NRXN3: variants seen among roughly 807,000 people sequenced by gnomAD.
The protein encoded by NRXN3 is neurexin 3, also known as neurexin III.
Under a neutral mutation model 137.6 loss-of-function variants are expected in NRXN3, and 32 were observed. The ratio of observed to expected loss-of-function variants is 0.23; its 90% CI spans 0.18 to 0.31. NRXN3 has a LOEUF of 0.31. Ranked by LOEUF, NRXN3 falls within the 10% of genes least tolerant of loss-of-function variation. The pLI, the probability that NRXN3 is intolerant of heterozygous loss-of-function variation, is 1.00. For missense variants in NRXN3, 1,574 were observed against 2,062.5 expected (o/e 0.76, Z 4.59); for synonymous variants, 798 against 784.5 (o/e 1.02, Z -0.29).
chr14:78,269,313 C>T (rs2072320102), intron 2 of NRXN3, among the ~76,000 whole-genome samples: 1 of 152,168 alleles, frequency 6.6e-6, no homozygotes, highest in African/African-American at 2.4e-5. Context: ...ACCATGAGGA[C>T]ATTATGCTAA....
chr14:78,802,391 C>T (rs550994687), intron 8 of NRXN3, among the ~76,000 whole-genome samples: 3 of 151,942 alleles, frequency 2.0e-5, no homozygotes, highest in South Asian at 2.1e-4. Context: ...TGTGGGGTGG[C>T]GGGAGGTGGG....
chr14:78,222,447 C>T (rs117076349), intron 1 of NRXN3, among the ~76,000 whole-genome samples: 9,614 of 152,222 alleles, frequency 0.063, 411 homozygotes, highest in East Asian at 0.15. Context: ...CGCCACATCG[C>T]CTTGAATGAG....
chr14:79,358,607 G>GAGAAAGAAAGAAAGAAAGAAAGAAAGAA (rs751796019), intron 15 of NRXN3, among the ~76,000 whole-genome samples: 32 of 79,982 alleles, frequency 4.0e-4, no homozygotes, highest in South Asian at 6.6e-4. Flanking sequence ...AAGAAAGAAA[G>GAGAAAGAAAGAAAGAAAGAAAGAAAGAA]AGAAAGAAAG....
intron 10 of NRXN3, among the ~76,000 whole-genome samples, chr14:78,811,549 A>T (rs973253350): frequency 1.3e-5 from 2 of 152,238 alleles, no homozygotes; most frequent in Non-Finnish European, 2.9e-5. Flanking sequence ...GGATTAGTTG[A>T]TATCTAGCAC....
intron 6 of NRXN3, among the ~76,000 whole-genome samples, chr14:78,694,833 A>G (rs556380025): frequency 2.2e-4 from 33 of 152,100 alleles, no homozygotes; most frequent in Admixed American, 1.6e-3. Context: ...AAAGGATGCA[A>G]GCCTTGTTCT....
At chr14:79,071,973 A>G (rs2152715469) in intron 15 of NRXN3, among the ~76,000 whole-genome samples, 2 of 152,280 alleles carry the variant, frequency 1.3e-5, no homozygotes, top group Non-Finnish European at 2.9e-5. Context: ...AATTTTAAAG[A>G]ATGTGAATGG....
intron 15 of NRXN3, among the ~76,000 whole-genome samples, chr14:79,325,932 A>T (rs940345430): frequency 6.6e-6 from 1 of 151,734 alleles, no homozygotes; most frequent in African/African-American, 2.4e-5. Flanking sequence ...AATAAAAAAT[A>T]AAAAAAAGCT....
intron 8 of NRXN3, among the ~76,000 whole-genome samples, chr14:78,725,877 G>C (rs920959410): frequency 1.3e-5 from 2 of 152,176 alleles, no homozygotes; most frequent in African/African-American, 4.8e-5. Flanking sequence ...GCAGTGGTTA[G>C]CTTATTTAAT....
chr14:78,665,341 G>T (rs920996774), intron 6 of NRXN3, among the ~76,000 whole-genome samples: 3 of 152,150 alleles, frequency 2.0e-5, no homozygotes, highest in African/African-American at 7.2e-5. Context: ...AAGCAAACAT[G>T]TCCTTCTTAA....
At chr14:79,262,107 C>T (rs140750746) in intron 15 of NRXN3, among the ~76,000 whole-genome samples, 1 of 152,218 alleles carries the variant, frequency 6.6e-6, no homozygotes, top group East Asian at 1.9e-4. Context: ...ACAATGTTTA[C>T]ACACTCAACA....
intron 18 of NRXN3, 75 bp from the exon 19 acceptor site, chr14:79,697,555 G>T: frequency 6.7e-7 from 1 of 1,493,952 alleles, no homozygotes; most frequent in Non-Finnish European, 9.1e-7. Flanking sequence ...TATGATGCCT[G>T]GTCCATTCAG....
intron 4 of NRXN3, among the ~76,000 whole-genome samples, chr14:78,627,245 CT>C (rs982910325): frequency 8.6e-5 from 13 of 151,812 alleles, no homozygotes; most frequent in Non-Finnish European, 1.9e-4. Context: ...TTTCCCTAGA[CT>C]TGAGCACAGT....
chr14:78,181,966 G>C (rs1021894050), intron 1 of NRXN3, among the ~76,000 whole-genome samples: 5 of 152,118 alleles, frequency 3.3e-5, no homozygotes, highest in African/African-American at 1.2e-4. Flanking sequence ...GAGACGTTTA[G>C]TTTATCCCTG....
chr14:79,246,756 G>A lies in NRXN3; in HGVS notation c.3263-220465G>A, dbSNP rs141380451. 280 of 152,172 alleles carry A rather than the reference G, an allele frequency of 1.8e-3. 1 individual carries two copies. Among genetic ancestry groups the A allele is most frequent in the African/African-American group, 6.5e-3 (268 of 41,526 alleles). 9.4% of individuals were successfully genotyped at this position (152,172 alleles called of 1,614,324 possible). A position where few individuals can be genotyped will look rare whatever the true frequency, so the allele number is the denominator to read the frequency against. ...TGAGTTTTGTTTTCCCTGCAACAAG[G>A]TTAAAAACTTTTTGAGACAACATTT... On this transcript the variant is annotated intron_variant, in intron 15 of 20. Transcript: ENST00000335750.
In NRXN3 at chr14:79,385,211, G is replaced by GC. The variant is rs372558684; in HGVS notation, c.3263-82005dup. Among the ~76,000 whole-genome samples the GC allele has an allele frequency of 1.0e-4, 10 of 100,162 alleles. 1 individual carries two copies. The South Asian group carries it at 1.2e-3, about 13-fold the overall frequency. The allele number at this position is 100,162 out of a possible 152,430, so 65.7% of individuals were successfully genotyped here. Reference sequence around the variant, plus strand: ...ATCTCCCAATGCTATCCTTCCCCCCGCCCCCACCCCACCACAGTCCCCAGA... The same window carrying GC: ...ATCTCCCAATGCTATCCTTCCCCCCGCCCCCCACCCCACCACAGTCCCCAGA... On this transcript the variant is annotated intron_variant, in intron 15 of 20. Coordinates refer to ENST00000335750, the MANE Select transcript of NRXN3 (RefSeq NM_001330195.2).
intron 4 of NRXN3, among the ~76,000 whole-genome samples, chr14:78,606,357 C>G (rs2097252857): frequency 6.6e-6 from 1 of 152,152 alleles, no homozygotes. Context: ...TTTCTTTGAT[C>G]ATGTGATTTC....
chr14:79,230,710 T>G (rs1324068892), intron 15 of NRXN3, among the ~76,000 whole-genome samples: 1 of 152,180 alleles, frequency 6.6e-6, no homozygotes, highest in Non-Finnish European at 1.5e-5. Flanking sequence ...TGTGATTCTC[T>G]CTTCTGCTGC....
intron 14 of NRXN3, among the ~76,000 whole-genome samples, chr14:78,970,229 C>T (rs2099432121): frequency 1.3e-5 from 2 of 152,034 alleles, no homozygotes; most frequent in Admixed American, 1.3e-4. Context: ...CAGTGTTTTC[C>T]AATAGATATA....
rs2067328172 is a variant in NRXN3, at chr14:78,244,000, C to T, written c.709+198C>T. Among the ~76,000 whole-genome samples the T allele has an allele frequency of 6.6e-6, 1 of 152,136 alleles. No homozygotes were observed. Among genetic ancestry groups the T allele is most frequent in the African/African-American group, 2.4e-5 (1 of 41,424 alleles). On this transcript the variant is annotated intron_variant, in intron 2 of 20. Transcript: ENST00000335750. This position sits in a 1 kb window ranked among gnomAD's most constrained non-coding sequence, Gnocchi z 4.2. ...TGTCAGATCTCAGCAGGAGTAGAAT[C>T]CTGACCCCTGAACCCTGGGCTCTGT...
Sources: gnomAD v4.1 joint callset for allele counts (sites outside exome capture counted in the v4.1 genomes callset) on GRCh38, gnomAD v4.1.1 for gene constraint, Gnocchi (gnomAD v3.1) non-coding constraint, MANE v1.5 for transcripts, NCBI Gene and HGNC (gene_info 2026-07-23, HGNC 2026-07-21) for gene names.